Variants in LRBA observed in about 807,000 individuals in gnomAD.
LRBA encodes lipopolysaccharide-responsive and beige-like anchor protein.
LRBA carries 176 observed loss-of-function variants against 330.0 expected under a neutral mutation model. That is an observed-to-expected ratio of 0.53 (90% CI 0.47 to 0.60). LRBA has a LOEUF of 0.60. Ranked by LOEUF, LRBA falls within the 20% of genes least tolerant of loss-of-function variation. LRBA has a pLI of 0.00. For synonymous variants in LRBA, 1,230 were observed against 1,193.0 expected (o/e 1.03, Z -0.64); for missense variants, 3,259 against 3,444.8 (o/e 0.95, Z 1.35).
intron 2 of LRBA, among the ~76,000 whole-genome samples, chr4:151,005,477 C>T (rs1180217235): frequency 6.8e-6 from 1 of 146,130 alleles, no homozygotes; most frequent in African/African-American, 2.5e-5. Context: ...CTGTATATAC[C>T]ACATTAGATG....
intron 34 of LRBA, among the ~76,000 whole-genome samples, chr4:150,764,254 C>T (rs901215327): frequency 3.3e-5 from 5 of 151,710 alleles, no homozygotes; most frequent in East Asian, 1.9e-4. Flanking sequence ...GTCAGGAAAA[C>T]GTCAAGAATG....
chr4:150,396,939 T>C (rs1463569706), intron 47 of LRBA, among the ~76,000 whole-genome samples: 1 of 152,204 alleles, frequency 6.6e-6, no homozygotes, highest in Non-Finnish European at 1.5e-5. Flanking sequence ...TGCCACTTGT[T>C]CCCACTTTCA....
At chr4:150,714,468 T>C (rs1582126313) in intron 36 of LRBA, among the ~76,000 whole-genome samples, 1 of 152,136 alleles carries the variant, frequency 6.6e-6, no homozygotes, top group African/African-American at 2.4e-5. Context: ...GTATCAATAG[T>C]AGCAAACAAA....
intron 42 of LRBA, among the ~76,000 whole-genome samples, chr4:150,478,157 C>T (rs886630610): frequency 6.6e-6 from 1 of 152,118 alleles, no homozygotes; most frequent in Non-Finnish European, 1.5e-5. Flanking sequence ...CATTCCCTCT[C>T]ATGGCTTCAA....
At chr4:150,416,159 C>T (rs1382617394) in intron 46 of LRBA, among the ~76,000 whole-genome samples, 2 of 152,166 alleles carry the variant, frequency 1.3e-5, no homozygotes, top group Non-Finnish European at 2.9e-5. Context: ...AAATGACTTG[C>T]ATGAGAAACT....
chr4:150,432,721 T>C (rs1475047205), intron 46 of LRBA, among the ~76,000 whole-genome samples: 1 of 151,946 alleles, frequency 6.6e-6, no homozygotes, highest in Non-Finnish European at 1.5e-5. Context: ...TTAAGTGTGT[T>C]CTTATATATT....
At chr4:150,784,078 A>G (rs1738661541) in intron 34 of LRBA, among the ~76,000 whole-genome samples, 1 of 152,226 alleles carries the variant, frequency 6.6e-6, no homozygotes, top group South Asian at 2.1e-4. Flanking sequence ...TCTCTGCCCA[A>G]GTTTTATTAA....
intron 44 of LRBA, among the ~76,000 whole-genome samples, chr4:150,456,805 CT>C (rs1228176512): frequency 6.6e-6 from 1 of 151,846 alleles, no homozygotes; most frequent in Non-Finnish European, 1.5e-5. Flanking sequence ...AGTTTGAGTT[CT>C]TAGATTCAAG....
chr4:150,517,074 A>G (rs1301774137), intron 40 of LRBA, among the ~76,000 whole-genome samples: 1 of 152,208 alleles, frequency 6.6e-6, no homozygotes, highest in African/African-American at 2.4e-5. Flanking sequence ...TCCACAATCA[A>G]TATATTATGG....
At chr4:150,871,293 G>T in intron 19 of LRBA, 52 bp downstream of exon 19, 1 of 934,990 alleles carries the variant, frequency 1.1e-6, no homozygotes, top group Non-Finnish European at 1.7e-6. Context: ...AATGTTAAGA[G>T]GCATTTTTAT....
At chr4:150,636,508 C>T (rs904875041) in intron 37 of LRBA, among the ~76,000 whole-genome samples, 2 of 152,140 alleles carry the variant, frequency 1.3e-5, no homozygotes, top group Non-Finnish European at 2.9e-5. Flanking sequence ...AGTTTCCCTG[C>T]CACAGTCCTG....
At chr4:150,503,948 C>G (rs201397559) in intron 40 of LRBA, among the ~76,000 whole-genome samples, 9 of 152,258 alleles carry the variant, frequency 5.9e-5, no homozygotes, top group African/African-American at 2.2e-4. Flanking sequence ...GATGAATGCA[C>G]AAGCCTCAGT....
Position 150,780,650 on chromosome 4 carries a change from T to TAC in LRBA, c.5580+17430_5580+17431insGT, listed in dbSNP as rs1416784041. On this transcript the variant is annotated intron_variant, in intron 34 of 56. Transcript: ENST00000651943. The stretch of plus-strand genomic sequence containing the variant: ...ATACACGTATATATATATATATGTG[T>TAC]ATATATATACGTGTGTGTGTGTATA... Among the ~76,000 whole-genome samples the TAC allele has an allele frequency of 2.3e-3, 347 of 149,394 alleles. 2 individuals are homozygous for TAC. Among genetic ancestry groups the TAC allele is most frequent in the African/African-American group, 8.1e-3 (332 of 40,864 alleles).
In LRBA at chr4:150,468,265, T is replaced by G. The variant is rs553955689; in HGVS notation, c.6668-480A>C. 2.6e-5 allele frequency among the ~76,000 whole-genome samples: 4 copies of G among 152,174 alleles called. No individual in the cohort carries two copies. In the East Asian group the frequency reaches 7.7e-4, roughly 29 times the overall value. The stretch of plus-strand genomic sequence containing the variant: ...TTAAATGACTTAACCCTGGTGGACA[T>G]TCACCAGTCATCTATAAAATGAGGG... On this transcript the variant is annotated intron_variant, in intron 43 of 56. Transcript: ENST00000651943.
intron 56 of LRBA, among the ~76,000 whole-genome samples, chr4:150,268,635 G>GAACA (rs1268733736): frequency 6.6e-6 from 1 of 152,140 alleles, no homozygotes; most frequent in Non-Finnish European, 1.5e-5. Flanking sequence ...TACATTAACA[G>GAACA]AACAAACAAC....
intron 35 of LRBA, among the ~76,000 whole-genome samples, chr4:150,744,316 C>T (rs905558877): frequency 6.6e-6 from 1 of 152,126 alleles, no homozygotes; most frequent in South Asian, 2.1e-4. Context: ...ATTGATTAGT[C>T]AATGGCACAC....
intron 40 of LRBA, chr4:150,580,898 G>C (rs930647966): frequency 6.5e-6 from 1 of 153,078 alleles, no homozygotes; most frequent in Non-Finnish European, 1.5e-5. Context: ...TTGTGGCAGT[G>C]AAGTCTTTTA....
intron 48 of LRBA, among the ~76,000 whole-genome samples, chr4:150,330,533 G>A (rs541907592): frequency 1.3e-5 from 2 of 152,296 alleles, no homozygotes; most frequent in African/African-American, 4.8e-5. Context: ...GTTTTGGGAT[G>A]AAACCGTTTT....
intron 47 of LRBA, among the ~76,000 whole-genome samples, chr4:150,371,647 T>C (rs983003088): frequency 2.6e-5 from 4 of 152,056 alleles, no homozygotes; most frequent in African/African-American, 9.7e-5. Context: ...CAAAGGTACA[T>C]GGAAAGCAGA....
Sources: gnomAD v4.1 joint callset for allele counts (sites outside exome capture counted in the v4.1 genomes callset) on GRCh38, gnomAD v4.1.1 for gene constraint, MANE v1.5 for transcripts, NCBI Gene and HGNC (gene_info 2026-07-23, HGNC 2026-07-21) for gene names.